ATP6V0E1: variants seen among roughly 807,000 people sequenced by gnomAD.
ATP6V0E1 encodes ATPase H+ transporting V0 subunit e1.
Under a neutral mutation model 11.6 loss-of-function variants are expected in ATP6V0E1, and 4 were observed. The observed-to-expected ratio is 0.35, with a 90% confidence interval of 0.17 to 0.79. The LOEUF (loss-of-function observed/expected upper bound fraction) is 0.79, where lower values mean the gene tolerates loss of function less well. Ranked by LOEUF, ATP6V0E1 falls within the 30% of genes least tolerant of loss-of-function variation. The pLI is 0.54. For synonymous variants in ATP6V0E1, 36 were observed against 34.8 expected (o/e 1.04, Z -0.13); for missense variants, 105 against 100.0 (o/e 1.05, Z -0.21).
intron 3 of ATP6V0E1, among the ~76,000 whole-genome samples, chr5:173,024,360 C>T (rs1756525499): frequency 6.7e-6 from 1 of 149,740 alleles, no homozygotes; most frequent in South Asian, 2.1e-4. Context: ...TATTTTTTAC[C>T]CTTTATATGG....
At chr5:173,017,389 C>G (rs1211845057) in intron 2 of ATP6V0E1, among the ~76,000 whole-genome samples, 1 of 151,660 alleles carries the variant, frequency 6.6e-6, no homozygotes, top group Non-Finnish European at 1.5e-5. Context: ...CAAAAATTAG[C>G]CGAGTGTGGT....
intron 2 of ATP6V0E1, among the ~76,000 whole-genome samples, chr5:173,017,840 C>CAAAAAAAAAAAAAAAAA (rs538210275): frequency 6.0e-5 from 4 of 66,574 alleles, no homozygotes; most frequent in Non-Finnish European, 1.0e-4. Context: ...GACTCCTTCT[C>CAAAAAAAAAAAAAAAAA]AAAAAAAAAA....
At chr5:173,009,625 C>A (rs1008922361) in intron 2 of ATP6V0E1, among the ~76,000 whole-genome samples, 8 of 147,884 alleles carry the variant, frequency 5.4e-5, no homozygotes, top group Non-Finnish European at 1.5e-5. Context: ...CCACCACGCC[C>A]GGCTAATTTT....
chr5:172,990,232 A>AG (rs1755959767), intron 1 of ATP6V0E1, among the ~76,000 whole-genome samples: 1 of 152,188 alleles, frequency 6.6e-6, no homozygotes, highest in Admixed American at 6.5e-5. Context: ...ACCTAAATAA[A>AG]GCCCCTGGCT....
chr5:173,022,975 C>G (rs1561776064), intron 3 of ATP6V0E1, among the ~76,000 whole-genome samples: 2 of 151,872 alleles, frequency 1.3e-5, no homozygotes, highest in Admixed American at 1.3e-4. Flanking sequence ...CCGAGATCGA[C>G]CTGTCTTAGC....
At chr5:172,987,083 G>T in intron 1 of ATP6V0E1, 1 of 196,128 alleles carries the variant, frequency 5.1e-6, no homozygotes, top group South Asian at 7.0e-5. Context: ...ACCACGCCCG[G>T]CTGGAAGATA....
rs1187173509 is a variant in ATP6V0E1 at position 172,986,852 on chromosome 5, A to C, written c.104+2888A>C. 1.1e-5 allele frequency: 4 copies of C among 373,916 alleles called. No individual in the cohort carries two copies. In the East Asian group the frequency reaches 3.7e-4, roughly 34 times the overall value. 23.2% of individuals were successfully genotyped at this position (373,916 alleles called of 1,614,324 possible). On this transcript the variant is annotated intron_variant, in intron 1 of 3. Transcript: ENST00000519374. ...CGCCAGGCTGGAGTGCAGTGGCGTG[A>C]TACTGGCTCACTGCACCCTCCGCCT...
intron 1 of ATP6V0E1, among the ~76,000 whole-genome samples, chr5:172,986,330 C>T (rs1755897071): frequency 6.6e-6 from 1 of 152,136 alleles, no homozygotes; most frequent in African/African-American, 2.4e-5. Context: ...CTTGTACTAA[C>T]ACTTGGCTTA....
At chr5:172,987,460 T>C (rs1755913779) in intron 1 of ATP6V0E1, among the ~76,000 whole-genome samples, 1 of 151,974 alleles carries the variant, frequency 6.6e-6, no homozygotes, top group Non-Finnish European at 1.5e-5. Context: ...ATTTTTGTAT[T>C]TTCAGTAGAG....
chr5:173,031,064 G>C (rs1315652873), intron 3 of ATP6V0E1, among the ~76,000 whole-genome samples: 1 of 151,418 alleles, frequency 6.6e-6, no homozygotes, highest in Non-Finnish European at 1.5e-5. Flanking sequence ...CCTGCCTCAG[G>C]CTCCCAAGTA....
chr5:173,002,316 A>G (rs1364160815), intron 2 of ATP6V0E1, among the ~76,000 whole-genome samples: 1 of 152,260 alleles, frequency 6.6e-6, no homozygotes, highest in Non-Finnish European at 1.5e-5. Context: ...GCTGGAATCA[A>G]GGTCCACATA....
intron 3 of ATP6V0E1, among the ~76,000 whole-genome samples, chr5:173,022,454 TTGCTGC>T (rs1333047620): frequency 1.3e-5 from 2 of 152,324 alleles, no homozygotes; most frequent in African/African-American, 4.8e-5. Flanking sequence ...AAATGGTGAT[TTGCTGC>T]TGCTGCTGTT....
chr5:172,994,409 A>G (rs1297847275), intron 1 of ATP6V0E1, among the ~76,000 whole-genome samples: 2 of 152,210 alleles, frequency 1.3e-5, no homozygotes, highest in Non-Finnish European at 2.9e-5. Context: ...CTGGAGAGTC[A>G]TATTTTTAGA....
intron 3 of ATP6V0E1, among the ~76,000 whole-genome samples, chr5:173,026,091 G>A (rs1756555406): frequency 6.6e-6 from 1 of 152,048 alleles, no homozygotes; most frequent in Non-Finnish European, 1.5e-5. Flanking sequence ...CCGCTTCCTG[G>A]CTCAAGCAAT....
chr5:173,016,494 C>T (rs1458877816), intron 2 of ATP6V0E1, among the ~76,000 whole-genome samples: 1 of 152,210 alleles, frequency 6.6e-6, no homozygotes, highest in Non-Finnish European at 1.5e-5. Context: ...GAGAACCACT[C>T]CGCTACAACA....
At chr5:172,990,004 TA>T (rs940239357) in intron 1 of ATP6V0E1, among the ~76,000 whole-genome samples, 5 of 149,436 alleles carry the variant, frequency 3.3e-5, no homozygotes, top group South Asian at 2.1e-4. Flanking sequence ...CCCAACCAAT[TA>T]AAAAAAAAAT....
At chr5:173,007,709 G>A (rs1468558820) in intron 2 of ATP6V0E1, among the ~76,000 whole-genome samples, 1 of 152,196 alleles carries the variant, frequency 6.6e-6, no homozygotes, top group Non-Finnish European at 1.5e-5. Context: ...AGTAACCAAA[G>A]AACAGACTTG....
chr5:173,031,315 C>T, intron 3 of ATP6V0E1, among the ~76,000 whole-genome samples: 1 of 151,374 alleles, frequency 6.6e-6, no homozygotes, highest in Admixed American at 6.6e-5. Flanking sequence ...AACTCCTGAC[C>T]TCAAGTGATC....
chr5:173,003,162 GAT>G (rs991708403), intron 2 of ATP6V0E1, among the ~76,000 whole-genome samples: 1 of 152,152 alleles, frequency 6.6e-6, no homozygotes, highest in Non-Finnish European at 1.5e-5. Flanking sequence ...GTCCTTGTGT[GAT>G]TGACAGCAGC....
Sources: gnomAD v4.1 joint callset for allele counts (sites outside exome capture counted in the v4.1 genomes callset) on GRCh38, gnomAD v4.1.1 for gene constraint, MANE v1.5 for transcripts, NCBI Gene and HGNC (gene_info 2026-07-23, HGNC 2026-07-21) for gene names.